The following KCNT1 variants were observed in gnomAD, a reference collection of about 807,000 sequenced individuals.
KCNT1 encodes potassium sodium-activated channel subfamily T member 1.
Under a neutral mutation model 147.8 loss-of-function variants are expected in KCNT1, and 78 were observed. The ratio of observed to expected loss-of-function variants is 0.53; its 90% confidence interval spans 0.44 to 0.64. The LOEUF (loss-of-function observed/expected upper bound fraction) is 0.64. Ranked by LOEUF, KCNT1 falls within the 30% of genes least tolerant of loss-of-function variation. KCNT1 has a pLI of 0.00. For synonymous variants in KCNT1, 867 were observed against 748.8 expected (o/e 1.16, Z -2.58); for missense variants, 1,419 against 1,750.3 (o/e 0.81, Z 3.38).
intron 18 of KCNT1, among the ~76,000 whole-genome samples, chr9:135,772,148 A>G (rs370210945): frequency 6.6e-6 from 1 of 151,904 alleles, no homozygotes; most frequent in East Asian, 1.9e-4. Flanking sequence ...GCCTAGCCAC[A>G]CCTCCACCTT....
chr9:135,734,905 GGCCCTGCAGGCGGC>G (rs1214318353), intron 2 of KCNT1, among the ~76,000 whole-genome samples: 3 of 152,174 alleles, frequency 2.0e-5, no homozygotes, highest in Non-Finnish European at 4.4e-5. Flanking sequence ...CGCGGTGAAG[GGCCCTGCAGGCGGC>G]GCCCAGGGGT....
At chr9:135,746,379 T>C (rs2131396700) in intron 2 of KCNT1, among the ~76,000 whole-genome samples, 1 of 152,260 alleles carries the variant, frequency 6.6e-6, no homozygotes, top group Admixed American at 6.5e-5. Flanking sequence ...CTCAGTGCTC[T>C]TGTTTCTGGG....
intron 1 of KCNT1, among the ~76,000 whole-genome samples, chr9:135,709,616 G>A (rs1024838663): frequency 4.6e-5 from 7 of 152,160 alleles, no homozygotes; most frequent in Admixed American, 1.3e-4. Context: ...TATTAGCTAG[G>A]TGGCTTGTCT....
At position 135,764,938 on chromosome 9, in the gene KCNT1, AACAG is replaced by A. The variant is rs544737369; in HGVS notation, c.1036-88_1036-85del. 1.0e-4 allele frequency: 146 copies of A among 1,419,222 alleles called. No homozygotes were observed. In the African/African-American group the frequency reaches 1.4e-3, roughly 13 times the overall value. 87.9% of individuals were successfully genotyped at this position (1,419,222 alleles called of 1,614,324 possible). A position where few individuals can be genotyped will look rare whatever the true frequency, so the allele number is the denominator to read the frequency against. ...CCGGCCGGCCCTGCCCCAGGCCCCT[AACAG>A]ACAGTCGTGTGTCAGGGCCCAGGTT... is the stretch of plus-strand genomic sequence containing the variant. On this transcript the variant is annotated intron_variant, in intron 11 of 30. Coordinates refer to ENST00000371757, the MANE Select transcript of KCNT1 (RefSeq NM_020822.3).
intron 2 of KCNT1, among the ~76,000 whole-genome samples, chr9:135,729,414 C>T (rs1329432977): frequency 2.0e-5 from 3 of 152,252 alleles, no homozygotes; most frequent in South Asian, 2.1e-4. Context: ...CCGCAGATGG[C>T]GGGAATGAGC....
intron 10 of KCNT1, among the ~76,000 whole-genome samples, chr9:135,758,840 C>CAGGTAGGTAA (rs1258809226): frequency 6.6e-6 from 1 of 152,252 alleles, no homozygotes; most frequent in Admixed American, 6.5e-5. Context: ...CAGCTGAAAG[C>CAGGTAGGTAA]AGGGTCTGGA....
chr9:135,714,396 C>A lies in KCNT1; in HGVS notation c.111-181C>A, dbSNP rs1247379642. On this transcript the variant is annotated intron_variant, in intron 1 of 30. Coordinates refer to ENST00000371757, the MANE Select transcript of KCNT1 (RefSeq NM_020822.3). The surrounding 1 kb of genome is among the most constrained non-coding windows in gnomAD (Gnocchi z 6.2). ...CGCCCTAGCCCCAGCCCGGCGCAGC[C>A]GGTCCCGCGCGCCCCCGCCCGCATG... 2 of 166,770 alleles carry A rather than the reference C, an allele frequency of 1.2e-5. No individual in the cohort carries two copies. Among genetic ancestry groups the A allele is most frequent in the Non-Finnish European group, 2.4e-5 (2 of 83,170 alleles). The allele number at this position is 166,770 out of a possible 1,614,324, so 10.3% of individuals were successfully genotyped here.
intron 3 of KCNT1, 35 bp from the exon 4 acceptor site, chr9:135,750,907 G>A (rs1460436984): frequency 6.3e-7 from 1 of 1,595,666 alleles, no homozygotes; most frequent in Admixed American, 1.7e-5. Context: ...GCCCAGAGCT[G>A]GGTCAGAGCC....
chr9:135,757,303 C>T lies in KCNT1; in HGVS notation c.681C>T (p.Phe227=), dbSNP rs1831562152. ...CTGACCTGTCCCCTTCACAGATCTT[C>T]TGGCCGCCGCTGCGGAACCTGTTCA... ...INTLPFIITI[F]WPPLRNLFIP... The change falls in exon 9 of 31, where the codon TTC becomes TTT. Residue 227 remains phenylalanine (F), a synonymous_variant. Transcript: ENST00000371757. The T allele has an allele frequency of 6.2e-7, 1 of 1,612,360 alleles. No individual in the cohort carries two copies. The highest frequency in any genetic ancestry group is 8.5e-7 in the Non-Finnish European group (1 of 1,179,998).
intron 2 of KCNT1, among the ~76,000 whole-genome samples, chr9:135,748,782 C>T (rs891059786): frequency 3.9e-5 from 6 of 152,246 alleles, no homozygotes; most frequent in African/African-American, 9.6e-5. Context: ...GCAGGGGGCC[C>T]ATGCTGAGGA....
intron 2 of KCNT1, among the ~76,000 whole-genome samples, chr9:135,745,598 G>T (rs1376376489): frequency 1.3e-5 from 2 of 152,354 alleles, no homozygotes; most frequent in African/African-American, 2.4e-5. Flanking sequence ...CAAGGGCGTC[G>T]TCCCAAGAGA....
At chr9:135,768,259 ACTGGGATACCGGT>A (rs1832450701) in intron 13 of KCNT1, among the ~76,000 whole-genome samples, 1 of 1,466 alleles carries the variant, frequency 6.8e-4, no homozygotes, top group Non-Finnish European at 1.6e-3. Flanking sequence ...GGGGGGGGGC[ACTGGGATACCGGT>A]GGGGGGGGCA....
intron 11 of KCNT1, among the ~76,000 whole-genome samples, chr9:135,763,744 C>A (rs936577121): frequency 1.3e-5 from 2 of 152,182 alleles, no homozygotes; most frequent in Non-Finnish European, 1.5e-5. Flanking sequence ...TCTGCAGAGA[C>A]CTATTTCCAA....
chr9:135,727,850 C>A (rs1010844657), intron 2 of KCNT1, among the ~76,000 whole-genome samples: 3 of 152,188 alleles, frequency 2.0e-5, no homozygotes, highest in Non-Finnish European at 2.9e-5. Flanking sequence ...CCTGACTGAC[C>A]GTCCCAATCT....
intron 2 of KCNT1, among the ~76,000 whole-genome samples, chr9:135,743,690 G>A (rs757269483): frequency 3.2e-4 from 48 of 152,330 alleles, no homozygotes; most frequent in Non-Finnish European, 5.7e-4. Flanking sequence ...AAATGGATGC[G>A]TCTGCAGCCG....
At chr9:135,722,353 T>C (rs564931225) in intron 2 of KCNT1, among the ~76,000 whole-genome samples, 2 of 152,314 alleles carry the variant, frequency 1.3e-5, no homozygotes, top group Admixed American at 6.5e-5. Context: ...CAGGGACTCA[T>C]GTGTGTGACA....
rs769898346 is a variant in KCNT1 at position 135,714,601 on chromosome 9, G to C, written c.135G>C (p.Ala45=). 3 of 1,411,216 alleles carry C rather than the reference G, an allele frequency of 2.1e-6. No individual in the cohort carries two copies. The African/African-American group carries it at 4.5e-5, about 21-fold the overall frequency. The allele number at this position is 1,411,216 out of a possible 1,614,324, so 87.4% of individuals were successfully genotyped here. The change falls in exon 2 of 31, where the codon GCG becomes GCC. Residue 45 remains alanine (A), a synonymous_variant. Coordinates refer to ENST00000371757, the MANE Select transcript of KCNT1 (RefSeq NM_020822.3). This position sits in a 1 kb window ranked among gnomAD's most constrained non-coding sequence, Gnocchi z 6.2. ...APRRPCAGDG[A]LLDTAGFKMS... Reference sequence around the variant, plus strand: ...GGCGGCCCTGCGCGGGGGACGGCGCGCTCCTGGACACCGCCGGCTTCAAGA... The same window carrying C: ...GGCGGCCCTGCGCGGGGGACGGCGCCCTCCTGGACACCGCCGGCTTCAAGA...
At chr9:135,761,308 C>G (rs1028419405) in intron 11 of KCNT1, among the ~76,000 whole-genome samples, 3 of 152,226 alleles carry the variant, frequency 2.0e-5, no homozygotes, top group Non-Finnish European at 4.4e-5. Flanking sequence ...CAGGAACCAC[C>G]ATGTGGGGTG....
chr9:135,778,308 G>T, intron 21 of KCNT1, 116 bp from the exon 22 acceptor site: 1 of 900,528 alleles, frequency 1.1e-6, no homozygotes, highest in Non-Finnish European at 1.7e-6. Context: ...ATACGCTGCG[G>T]TTCTGGGGAA....
Sources: allele counts gnomAD v4.1 joint callset (sites outside exome capture counted in the v4.1 genomes callset), GRCh38; gene constraint gnomAD v4.1.1; non-coding constraint Gnocchi (gnomAD v3.1); transcripts MANE v1.5; gene names NCBI Gene and HGNC (gene_info 2026-07-23, HGNC 2026-07-21).